The following JMJD1C variants were observed in gnomAD, a reference collection of about 807,000 sequenced individuals.
JMJD1C encodes jumonji domain containing 1C.
A neutral mutation model predicts 245.3 loss-of-function variants in JMJD1C; 31 were observed. The observed-to-expected ratio is 0.13, with a 90% CI of 0.09 to 0.17. The LOEUF (loss-of-function observed/expected upper bound fraction) is 0.17, where lower values mean the gene tolerates loss of function less well. Ranked by LOEUF, JMJD1C falls within the 10% of genes least tolerant of loss-of-function variation. JMJD1C has a pLI of 1.00. For missense variants in JMJD1C, 2,691 were observed against 3,000.2 expected (o/e 0.90, Z 2.41); for synonymous variants, 1,057 against 1,017.4 (o/e 1.04, Z -0.74).
intron 2 of JMJD1C, among the ~76,000 whole-genome samples, chr10:63,266,697 AG>A (rs1855615363): frequency 6.6e-6 from 1 of 152,142 alleles, no homozygotes; most frequent in Non-Finnish European, 1.5e-5. Context: ...CAACTCATGA[AG>A]GTTAACAAAA....
Position 63,380,536 on chromosome 10 carries a change from T to A in JMJD1C, c.169-54A>T, listed in dbSNP as rs572357304. On this transcript the variant is annotated intron_variant, in intron 1 of 25. Transcript: ENST00000399262. ...TAGCAAAATAGAAGAGTGGTATATC[T>A]TTTTTTACTAATGCATAATAATTGT... The A allele has an allele frequency of 1.0e-4, 142 of 1,365,376 alleles. No homozygotes were observed. The African/African-American group carries it at 2.0e-3, about 19-fold the overall frequency. 84.6% of individuals were successfully genotyped at this position (1,365,376 alleles called of 1,614,324 possible). A position where few individuals can be genotyped will look rare whatever the true frequency, so the allele number is the denominator to read the frequency against.
At chr10:63,475,502 A>G (rs751454428) in intron 1 of JMJD1C, among the ~76,000 whole-genome samples, 1 of 152,230 alleles carries the variant, frequency 6.6e-6, no homozygotes, top group Non-Finnish European at 1.5e-5. Context: ...AAATTCCTGC[A>G]AAATTAGATG....
At chr10:63,357,816 CAGACAG>C (rs1944975394) in intron 2 of JMJD1C, among the ~76,000 whole-genome samples, 1 of 86,340 alleles carries the variant, frequency 1.2e-5, no homozygotes, top group Non-Finnish European at 2.3e-5. Flanking sequence ...TCAAAAGACA[CAGACAG>C]ACAGACACAC....
At chr10:63,293,877 C>T (rs1442322907) in intron 2 of JMJD1C, among the ~76,000 whole-genome samples, 1 of 152,032 alleles carries the variant, frequency 6.6e-6, no homozygotes, top group East Asian at 1.9e-4. Context: ...TCACTTTGAA[C>T]TCCAACTGAT....
At chr10:63,456,767 C>T (rs1952442246) in intron 1 of JMJD1C, among the ~76,000 whole-genome samples, 1 of 152,066 alleles carries the variant, frequency 6.6e-6, no homozygotes, top group South Asian at 2.1e-4. Context: ...TATAGCCACA[C>T]AGAAAATACT....
At chr10:63,482,551 G>C (rs1420432080) in intron 1 of JMJD1C, among the ~76,000 whole-genome samples, 1 of 152,006 alleles carries the variant, frequency 6.6e-6, no homozygotes, top group African/African-American at 2.4e-5. Context: ...CAGGAGAATC[G>C]CTTGAACTCA....
At chr10:63,424,183 TC>T (rs534058757) in intron 1 of JMJD1C, among the ~76,000 whole-genome samples, 1 of 151,818 alleles carries the variant, frequency 6.6e-6, no homozygotes, top group South Asian at 2.1e-4. Context: ...CACCTCAGCC[TC>T]CTGAGTAGCA....
At position 63,207,393 on chromosome 10, in the gene JMJD1C, C is replaced by G. The variant is rs753129410; in HGVS notation, c.4276G>C (p.Ala1426Pro). 5 of 1,614,024 alleles carry G rather than the reference C, an allele frequency of 3.1e-6. No homozygotes were observed. The highest frequency in any genetic ancestry group is 4.2e-6 in the Non-Finnish European group (5 of 1,180,022). The change falls in exon 10 of 26, where the codon GCC (alanine) becomes CCC (proline). Residue 1426 changes from alanine to proline, a missense_variant. Ala to Pro is a conservative substitution (Grantham distance 27, BLOSUM62 -1). Coordinates refer to ENST00000399262, the MANE Select transcript of JMJD1C (RefSeq NM_032776.3). The part of the protein sequence containing the change: ...VISSLSNTIL[A>P]STSSECVSSK... ...GATACACATTCTGATGATGTAGAGG[C>G]CAAAATGGTATTTGATAAAGAGGAA...
At chr10:63,248,529 G>GATAGATAGATAGATAAATAAATAAATAA (rs566828473) in intron 3 of JMJD1C, among the ~76,000 whole-genome samples, 14 of 137,056 alleles carry the variant, frequency 1.0e-4, no homozygotes, top group East Asian at 4.4e-4. Flanking sequence ...TCAATAGATA[G>GATAGATAGATAGATAAATAAATAAATAA]ATAAATAAAT....
At chr10:63,505,089 G>T (rs546207554) in intron 1 of JMJD1C, among the ~76,000 whole-genome samples, 7 of 152,178 alleles carry the variant, frequency 4.6e-5, no homozygotes, top group Non-Finnish European at 1.0e-4. Flanking sequence ...TAGGCAGGCG[G>T]ATCACGAGGT....
intron 2 of JMJD1C, among the ~76,000 whole-genome samples, chr10:63,321,535 G>T (rs1421578579): frequency 6.6e-6 from 1 of 152,204 alleles, no homozygotes; most frequent in Non-Finnish European, 1.5e-5. Context: ...AACACATCTG[G>T]TGTCAGAAGT....
chr10:63,315,173 G>A (rs1266598475), intron 2 of JMJD1C, among the ~76,000 whole-genome samples: 1 of 152,024 alleles, frequency 6.6e-6, no homozygotes, highest in East Asian at 1.9e-4. Context: ...TCTGTTACCT[G>A]GGTATAACTA....
chr10:63,465,906 A>G lies in JMJD1C; in HGVS notation c.-244T>C. Reference sequence around the variant, plus strand: ...GCTGCAGCGCCACACAAGAAAACTGAAACAAAACCCAACGCGGCCGTCGAA... The same window carrying G: ...GCTGCAGCGCCACACAAGAAAACTGGAACAAAACCCAACGCGGCCGTCGAA... On this transcript the variant is annotated 5_prime_UTR_variant, in exon 1 of 26. Coordinates refer to ENST00000399262, the MANE Select transcript of JMJD1C (RefSeq NM_032776.3). 1.6e-6 allele frequency: 1 copy of G among 641,892 alleles called. No homozygotes were observed. The highest frequency in any genetic ancestry group is 2.3e-5 in the Admixed American group (1 of 43,350). 39.8% of individuals were successfully genotyped at this position (641,892 alleles called of 1,614,324 possible). A position where few individuals can be genotyped will look rare whatever the true frequency, so the allele number is the denominator to read the frequency against.
At chr10:63,441,204 G>A (rs886958358) in intron 1 of JMJD1C, among the ~76,000 whole-genome samples, 2 of 152,062 alleles carry the variant, frequency 1.3e-5, no homozygotes, top group African/African-American at 4.8e-5. Flanking sequence ...TTTTTTACAC[G>A]GTTTAGACTG....
At position 63,209,150 on chromosome 10, in the gene JMJD1C, G is replaced by A. The variant is rs1297914375; in HGVS notation, c.2780C>T (p.Pro927Leu). Residue 927 changes from proline (P) to leucine (L), a missense_variant, in exon 9 of 26, where the codon CCT becomes CTT. Transcript: ENST00000399262. ...IGLLSHIPVR[P>L]SSAEPHRPLK... ...AGGCCGATGAGGCTCTGCACTGGAA[G>A]GTCTGACAGGAATGTGACTAAGTAA... The A allele has an allele frequency of 2.5e-6, 4 of 1,613,906 alleles. No homozygotes were observed. The highest frequency in any genetic ancestry group is 1.7e-5 in the Admixed American group (1 of 60,006).
At chr10:63,327,420 CATTATATGTA>C (rs1941646667) in intron 2 of JMJD1C, among the ~76,000 whole-genome samples, 1 of 152,090 alleles carries the variant, frequency 6.6e-6, no homozygotes, top group Non-Finnish European at 1.5e-5. Flanking sequence ...ACTTCATTGC[CATTATATGTA>C]TATTTCCCCC....
chr10:63,387,010 A>G (rs1947659478), intron 1 of JMJD1C, among the ~76,000 whole-genome samples: 1 of 152,208 alleles, frequency 6.6e-6, no homozygotes, highest in African/African-American at 2.4e-5. Flanking sequence ...CACAGCTTCC[A>G]TTAAGAACCA....
chr10:63,321,402 T>C (rs951057027), intron 2 of JMJD1C, among the ~76,000 whole-genome samples: 8 of 152,184 alleles, frequency 5.3e-5, no homozygotes, highest in African/African-American at 9.6e-5. Flanking sequence ...TCTTGTGAGA[T>C]TGAGTCCTCA....
chr10:63,406,845 C>A (rs1388061610), intron 1 of JMJD1C, among the ~76,000 whole-genome samples: 1 of 152,018 alleles, frequency 6.6e-6, no homozygotes, highest in Non-Finnish European at 1.5e-5. Context: ...AGTCAAGACA[C>A]TTACAAAAGT....
Sources: gnomAD v4.1 joint callset for allele counts (sites outside exome capture counted in the v4.1 genomes callset) on GRCh38, gnomAD v4.1.1 for gene constraint, MANE v1.5 for transcripts, NCBI Gene and HGNC (gene_info 2026-07-23, HGNC 2026-07-21) for gene names.